AP3B1: variants seen among roughly 807,000 people sequenced by gnomAD.
AP3B1 encodes AP-3 complex subunit beta-1.
A neutral mutation model predicts 132.5 loss-of-function variants in AP3B1; 61 were observed. The ratio of observed to expected loss-of-function variants is 0.46; its 90% CI spans 0.37 to 0.57. The LOEUF (loss-of-function observed/expected upper bound fraction) is 0.57. Ranked by LOEUF, AP3B1 falls within the 20% of genes least tolerant of loss-of-function variation. The probability of loss-of-function intolerance (pLI) is 0.00; values close to 1 mark genes in which losing one functional copy is unlikely to be tolerated. For synonymous variants in AP3B1, 388 were observed against 438.3 expected (o/e 0.89, Z 1.43); for missense variants, 1,120 against 1,289.4 (o/e 0.87, Z 2.01).
At chr5:78,010,829 T>C (rs1161859160) in intron 26 of AP3B1, among the ~76,000 whole-genome samples, 1 of 152,262 alleles carries the variant, frequency 6.6e-6, no homozygotes, top group South Asian at 2.1e-4. Flanking sequence ...ACTAGTATTG[T>C]CTTAAGTAAT....
intron 19 of AP3B1, 103 bp downstream of exon 19, chr5:78,113,649 C>T (rs376116431): frequency 7.6e-7 from 1 of 1,310,658 alleles, no homozygotes; most frequent in Non-Finnish European, 1.1e-6. Context: ...AAAAAATACA[C>T]ACTTTTTTTC....
At position 78,293,580 on chromosome 5, in the gene AP3B1, A is replaced by G. The variant is rs1042979458; in HGVS notation, c.128+872T>C. Among the ~76,000 whole-genome samples, 4 of 152,338 alleles carry G rather than the reference A, an allele frequency of 2.6e-5. No homozygotes were observed. In the East Asian group the frequency reaches 7.7e-4, roughly 29 times the overall value. On this transcript the variant is annotated intron_variant, in intron 1 of 26. Transcript: ENST00000255194. Reference sequence around the variant, plus strand: ...AACAGATCTGCAAAGCTACTAGCACAGCTATTCTACCTTAATTTAGCATGA... The same window carrying G: ...AACAGATCTGCAAAGCTACTAGCACGGCTATTCTACCTTAATTTAGCATGA...
intron 3 of AP3B1, among the ~76,000 whole-genome samples, chr5:78,230,612 T>A (rs1050689368): frequency 3.9e-5 from 6 of 152,304 alleles, no homozygotes; most frequent in Non-Finnish European, 7.4e-5. Context: ...ACTTGCACTC[T>A]TTATCTCAAT....
chr5:78,060,273 G>A lies in AP3B1; in HGVS notation c.2578-20999C>T, dbSNP rs539315594. On this transcript the variant is annotated intron_variant, in intron 22 of 26. Transcript: ENST00000255194. Reference sequence around the variant, plus strand: ...AAGGTGTCTATAACCCATTATAACCGCTGGAATAAATACAGGTGCACCAGT... The same window carrying A: ...AAGGTGTCTATAACCCATTATAACCACTGGAATAAATACAGGTGCACCAGT... Among the ~76,000 whole-genome samples the A allele has an allele frequency of 2.3e-4, 35 of 152,248 alleles. 1 individual carries two copies. The highest frequency in any genetic ancestry group is 8.2e-4 in the African/African-American group (34 of 41,546).
At chr5:78,222,520 T>C (rs946096497) in intron 6 of AP3B1, 1 of 152,172 alleles carries the variant, frequency 6.6e-6, no homozygotes, top group Non-Finnish European at 1.5e-5. Context: ...ACTAGTATAA[T>C]TGTTTGGGCC....
intron 21 of AP3B1, among the ~76,000 whole-genome samples, chr5:78,098,134 C>T (rs891987484): frequency 1.3e-5 from 2 of 151,074 alleles, no homozygotes; most frequent in South Asian, 4.2e-4. Context: ...CCCGGGGACA[C>T]AAACACTGCG....
At chr5:78,116,094 A>AAT (rs747477134) in intron 18 of AP3B1, 32 bp downstream of exon 18, 14 of 1,455,958 alleles carry the variant, frequency 9.6e-6, no homozygotes, top group Non-Finnish European at 1.3e-5. Flanking sequence ...CTACTATGTA[A>AAT]ATAATATATG....
At chr5:78,208,079 G>T (rs905667367) in intron 7 of AP3B1, among the ~76,000 whole-genome samples, 6 of 152,092 alleles carry the variant, frequency 3.9e-5, no homozygotes, top group Non-Finnish European at 5.9e-5. Flanking sequence ...GACAGAGACA[G>T]AGACAGAGAG....
intron 20 of AP3B1, among the ~76,000 whole-genome samples, chr5:78,105,873 T>C (rs895905929): frequency 8.5e-5 from 13 of 152,312 alleles, no homozygotes; most frequent in African/African-American, 3.1e-4. Flanking sequence ...GACTATAGTT[T>C]TGTGCCTCGT....
intron 22 of AP3B1, among the ~76,000 whole-genome samples, chr5:78,082,114 G>A (rs189711419): frequency 7.9e-5 from 12 of 152,210 alleles, no homozygotes; most frequent in Admixed American, 2.6e-4. Flanking sequence ...TCACTGAGTC[G>A]CTTTTCCTGC....
chr5:78,058,496 T>A (rs1411863443), intron 22 of AP3B1, among the ~76,000 whole-genome samples: 1 of 150,436 alleles, frequency 6.6e-6, no homozygotes, highest in Non-Finnish European at 1.5e-5. Context: ...TGAGACTCCA[T>A]CTCAAAAAAA....
At chr5:78,007,837 C>CA (rs1034414241) in intron 26 of AP3B1, among the ~76,000 whole-genome samples, 1 of 151,592 alleles carries the variant, frequency 6.6e-6, no homozygotes, top group Non-Finnish European at 1.5e-5. Flanking sequence ...TAGTGAAGGA[C>CA]AAAAAAAGCA....
chr5:78,100,440 G>A (rs538271492), intron 21 of AP3B1, among the ~76,000 whole-genome samples: 1 of 152,238 alleles, frequency 6.6e-6, no homozygotes, highest in South Asian at 2.1e-4. Context: ...TGAATTCTTA[G>A]ATTTGCTGGG....
chr5:78,010,485 G>A (rs1046052311), intron 26 of AP3B1, among the ~76,000 whole-genome samples: 3 of 152,196 alleles, frequency 2.0e-5, no homozygotes, highest in East Asian at 1.9e-4. Context: ...TAGCGATTTC[G>A]GAGCTACATG....
In AP3B1 at chr5:78,100,602, CCTT is replaced by C. The variant is rs529522146; in HGVS notation, c.2470+348_2470+350del. Reference sequence around the variant, plus strand: ...ATTTACATTCCTTAATCCTCTACCTCCTTAAGTTACATGTGTCAATCCCCATAA... The same window carrying C: ...ATTTACATTCCTTAATCCTCTACCTCAAGTTACATGTGTCAATCCCCATAA... On this transcript the variant is annotated intron_variant, in intron 21 of 26. Transcript: ENST00000255194. 1.9e-3 allele frequency among the ~76,000 whole-genome samples: 291 copies of C among 152,282 alleles called. 2 individuals are homozygous for C. Among genetic ancestry groups the C allele is most frequent in the African/African-American group, 6.2e-3 (259 of 41,554 alleles).
rs536865856 is a variant in AP3B1 at position 78,085,005 on chromosome 5, T to C, written c.2577+4388A>G. ...GCATACTTTTTGTAACCATCACTAC[T>C]ATCACTAGACATTTAGGTTTGAACA... On this transcript the variant is annotated intron_variant, in intron 22 of 26. Transcript: ENST00000255194. Among the ~76,000 whole-genome samples the C allele has an allele frequency of 2.4e-4, 36 of 152,196 alleles. 1 individual carries two copies. In the South Asian group the frequency reaches 7.2e-3, roughly 31 times the overall value.
At chr5:78,257,574 T>C (rs1747898768) in intron 2 of AP3B1, among the ~76,000 whole-genome samples, 1 of 152,150 alleles carries the variant, frequency 6.6e-6, no homozygotes. Context: ...AGGCTCAATA[T>C]TGTTAAAATG....
At chr5:78,141,689 C>A (rs1753152982) in intron 14 of AP3B1, among the ~76,000 whole-genome samples, 1 of 152,068 alleles carries the variant, frequency 6.6e-6, no homozygotes, top group Non-Finnish European at 1.5e-5. Flanking sequence ...ACAGTGAAGA[C>A]CATATGGTCC....
chr5:78,096,549 C>G (rs1381554904), intron 21 of AP3B1, among the ~76,000 whole-genome samples: 1 of 151,858 alleles, frequency 6.6e-6, no homozygotes, highest in Non-Finnish European at 1.5e-5. Context: ...CGGCCACCAT[C>G]CCATCTAGGA....
Sources: gnomAD v4.1 joint callset for allele counts (sites outside exome capture counted in the v4.1 genomes callset) on GRCh38, gnomAD v4.1.1 for gene constraint, MANE v1.5 for transcripts, NCBI Gene and HGNC (gene_info 2026-07-23, HGNC 2026-07-21) for gene names.